The following WWC2 variants were observed in gnomAD, a reference collection of about 807,000 sequenced individuals.
The protein encoded by WWC2 is protein WWC2.
Under a neutral mutation model 138.5 loss-of-function variants are expected in WWC2, and 101 were observed. That is an observed-to-expected ratio of 0.73 (90% CI 0.62 to 0.86). The LOEUF (loss-of-function observed/expected upper bound fraction) is 0.86, where lower values mean the gene tolerates loss of function less well. Among genes scored for constraint, WWC2 ranks in the 40% least tolerant of loss-of-function variants. WWC2 has a pLI of 0.00. For synonymous variants in WWC2, 558 were observed against 538.4 expected (o/e 1.04, Z -0.50); for missense variants, 1,420 against 1,419.4 (o/e 1.00, Z -0.01).
At chr4:183,314,844 G>A (rs1739381028) in intron 22 of WWC2, among the ~76,000 whole-genome samples, 1 of 152,158 alleles carries the variant, frequency 6.6e-6, no homozygotes, top group Admixed American at 6.5e-5. Flanking sequence ...TGTCCATAGT[G>A]TTCTCACTCC....
intron 1 of WWC2, among the ~76,000 whole-genome samples, chr4:183,155,237 G>A (rs983398061): frequency 1.4e-5 from 2 of 142,774 alleles, no homozygotes; most frequent in Non-Finnish European, 3.0e-5. Flanking sequence ...AGTTGACGTG[G>A]TGAGGACAGG....
chr4:183,238,941 C>T (rs1385203665), intron 4 of WWC2, among the ~76,000 whole-genome samples: 1 of 152,144 alleles, frequency 6.6e-6, no homozygotes, highest in Non-Finnish European at 1.5e-5. Flanking sequence ...GAGTCAATAC[C>T]TATTTGTGGA....
intron 1 of WWC2, among the ~76,000 whole-genome samples, chr4:183,163,127 A>G (rs1301493077): frequency 6.6e-6 from 1 of 152,234 alleles, no homozygotes; most frequent in Non-Finnish European, 1.5e-5. Flanking sequence ...AACTGGAACT[A>G]TTAAAAAGTG....
chr4:183,131,562 A>G (rs929216465), intron 1 of WWC2, among the ~76,000 whole-genome samples: 1 of 152,096 alleles, frequency 6.6e-6, no homozygotes, highest in Non-Finnish European at 1.5e-5. Flanking sequence ...ATTGATTGTT[A>G]CAAGTTCCTT....
intron 1 of WWC2, among the ~76,000 whole-genome samples, chr4:183,192,471 A>G (rs1317396575): frequency 6.6e-6 from 1 of 152,196 alleles, no homozygotes; most frequent in Non-Finnish European, 1.5e-5. Context: ...AGGAAGGTTG[A>G]AAGAAAAGTA....
chr4:183,306,881 C>CAAAAGAAAAAA (rs1739038919), intron 21 of WWC2, among the ~76,000 whole-genome samples: 1 of 85,114 alleles, frequency 1.2e-5, no homozygotes, highest in South Asian at 4.6e-4. Flanking sequence ...ATATATGAGG[C>CAAAAGAAAAAA]AAAAAAAAAA....
At chr4:183,248,689 G>A in intron 6 of WWC2, 25 bp from the exon 7 acceptor site, 2 of 1,554,622 alleles carry the variant, frequency 1.3e-6, no homozygotes, top group Non-Finnish European at 8.8e-7. Context: ...TAAGCTTTAT[G>A]AAACACTTTG....
chr4:183,118,794 G>C (rs539152011), intron 1 of WWC2, among the ~76,000 whole-genome samples: 1 of 152,164 alleles, frequency 6.6e-6, no homozygotes, highest in South Asian at 2.1e-4. Flanking sequence ...TGGGGCTGCA[G>C]CCAAGTAGCC....
intron 4 of WWC2, among the ~76,000 whole-genome samples, chr4:183,237,332 T>C (rs1331741114): frequency 6.6e-6 from 1 of 152,132 alleles, no homozygotes; most frequent in African/African-American, 2.4e-5. Flanking sequence ...AAAGTGTTGC[T>C]GTCTTTTTGG....
intron 1 of WWC2, among the ~76,000 whole-genome samples, chr4:183,125,777 A>G (rs1201923421): frequency 6.6e-6 from 1 of 152,230 alleles, no homozygotes; most frequent in Non-Finnish European, 1.5e-5. Context: ...AGAAGAATTC[A>G]TGCTCATTCC....
intron 14 of WWC2, among the ~76,000 whole-genome samples, chr4:183,268,591 T>C (rs989896871): frequency 6.6e-6 from 1 of 152,208 alleles, no homozygotes; most frequent in African/African-American, 2.4e-5. Context: ...GTCACCAGTA[T>C]CTACTTAGTG....
chr4:183,311,566 G>A (rs568831910), intron 21 of WWC2, among the ~76,000 whole-genome samples: 6 of 149,448 alleles, frequency 4.0e-5, no homozygotes, highest in African/African-American at 7.3e-5. Flanking sequence ...AGCTATACAC[G>A]TATGTGTGCA....
intron 5 of WWC2, among the ~76,000 whole-genome samples, chr4:183,244,368 G>T (rs1455511518): frequency 1.3e-5 from 2 of 152,098 alleles, no homozygotes; most frequent in African/African-American, 4.8e-5. Context: ...AAATCCTCTA[G>T]CCTAAGGTGA....
At chr4:183,219,994 C>A (rs1735875996) in intron 4 of WWC2, among the ~76,000 whole-genome samples, 2 of 152,080 alleles carry the variant, frequency 1.3e-5, no homozygotes, top group South Asian at 4.2e-4. Flanking sequence ...ATTTCTCTGG[C>A]TGGTTGTAGG....
rs186084738 is a variant in WWC2, at chr4:183,108,350, G to A, written c.131+8728G>A. On this transcript the variant is annotated intron_variant, in intron 1 of 22. Coordinates refer to ENST00000403733, the MANE Select transcript of WWC2 (RefSeq NM_024949.6). ...TTTGTGGTCTTTCTCCCCCAAAACC[G>A]TAGTAACTCCAGTCTAATCTTGAGA... 7.8e-4 allele frequency among the ~76,000 whole-genome samples: 119 copies of A among 152,110 alleles called. 1 individual carries two copies. Among genetic ancestry groups the A allele is most frequent in the African/African-American group, 1.5e-3 (63 of 41,478 alleles).
chr4:183,174,828 GCTCT>G (rs758370577), intron 1 of WWC2, among the ~76,000 whole-genome samples: 40 of 145,944 alleles, frequency 2.7e-4, no homozygotes, highest in African/African-American at 4.1e-4. Flanking sequence ...TCTCTTTTGC[GCTCT>G]CTCTCTCTCT....
intron 1 of WWC2, among the ~76,000 whole-genome samples, chr4:183,143,385 A>G (rs1184343229): frequency 6.6e-6 from 1 of 152,182 alleles, no homozygotes. Flanking sequence ...AATTGATGAG[A>G]ATTGCCAAGA....
chr4:183,193,573 G>T, intron 1 of WWC2, 26 bp from the exon 2 acceptor site: 1 of 1,600,578 alleles, frequency 6.2e-7, no homozygotes, highest in Non-Finnish European at 8.6e-7. Flanking sequence ...AAGAATCACT[G>T]GTGTGTCAAT....
At chr4:183,151,452 T>A (rs1458374479) in intron 1 of WWC2, among the ~76,000 whole-genome samples, 1 of 152,240 alleles carries the variant, frequency 6.6e-6, no homozygotes, top group Non-Finnish European at 1.5e-5. Flanking sequence ...CTTTGTCAGA[T>A]GGGTAGATTG....
Sources: allele counts gnomAD v4.1 joint callset (sites outside exome capture counted in the v4.1 genomes callset), GRCh38; gene constraint gnomAD v4.1.1; transcripts MANE v1.5; gene names NCBI Gene and HGNC (gene_info 2026-07-23, HGNC 2026-07-21).